The following TOP3A variants were observed in gnomAD, a reference collection of about 807,000 sequenced individuals.
The protein encoded by TOP3A is DNA topoisomerase 3-alpha.
Under a neutral mutation model 111.3 loss-of-function variants are expected in TOP3A, and 64 were observed. The ratio of observed to expected loss-of-function variants is 0.57; its 90% CI spans 0.47 to 0.71. TOP3A has a LOEUF of 0.71. Ranked by LOEUF, TOP3A falls within the 30% of genes least tolerant of loss-of-function variation. TOP3A has a pLI of 0.00. For synonymous variants in TOP3A, 484 were observed against 485.1 expected (o/e 1.00, Z 0.03); for missense variants, 1,104 against 1,285.0 (o/e 0.86, Z 2.15).
Position 18,302,887 on chromosome 17 carries a change from A to G in TOP3A, c.500-164T>C, listed in dbSNP as rs941277553. 7 of 737,872 alleles carry G rather than the reference A, an allele frequency of 9.5e-6. No homozygotes were observed. The African/African-American group carries it at 1.1e-4, about 11-fold the overall frequency. The allele number at this position is 737,872 out of a possible 1,614,324, so 45.7% of individuals were successfully genotyped here. A position where few individuals can be genotyped will look rare whatever the true frequency, so the allele number is the denominator to read the frequency against. On this transcript the variant is annotated intron_variant, in intron 5 of 18. Coordinates refer to ENST00000321105, the MANE Select transcript of TOP3A (RefSeq NM_004618.5). Reference sequence around the variant, plus strand: ...GTTAAATCAATGGTGTACAGTGTCTAAAGAGGAAACATCACCATAACCTTT... The same window carrying G: ...GTTAAATCAATGGTGTACAGTGTCTGAAGAGGAAACATCACCATAACCTTT...
chr17:18,302,261 T>C lies in TOP3A; in HGVS notation c.814+3A>G, dbSNP rs776002178. ...AGGCCATAACACCCACTCCAGGCCC[T>C]ACCTTTAATTCTGTGGAAGATTTCT... is the stretch of plus-strand genomic sequence containing the variant. On this transcript the variant is annotated splice_donor_region_variant and intron_variant, in intron 7 of 18. Coordinates refer to ENST00000321105, the MANE Select transcript of TOP3A (RefSeq NM_004618.5). The C allele has an allele frequency of 1.9e-5, 30 of 1,606,440 alleles. No homozygotes were observed. Among genetic ancestry groups the C allele is most frequent in the Non-Finnish European group, 2.1e-5 (25 of 1,177,210 alleles).
intron 15 of TOP3A, 27 bp downstream of exon 15, chr17:18,285,115 C>T: frequency 6.8e-6 from 11 of 1,609,278 alleles, no homozygotes; most frequent in Non-Finnish European, 9.3e-6. Context: ...ATAGTGAGAC[C>T]CCTCTGTATT....
At chr17:18,283,607 C>A (rs1979905151) in intron 15 of TOP3A, among the ~76,000 whole-genome samples, 1 of 152,162 alleles carries the variant, frequency 6.6e-6, no homozygotes. Context: ...GTTGGACATC[C>A]TCTAATTCAA....
chr17:18,302,033 C>T (rs777659002), intron 7 of TOP3A, 48 bp from the exon 8 acceptor site: 5 of 1,551,482 alleles, frequency 3.2e-6, no homozygotes, highest in Admixed American at 1.8e-5. Context: ...AGAGACATGT[C>T]ATGATATGAC....
intron 4 of TOP3A, 89 bp from the exon 5 acceptor site, chr17:18,305,309 T>A: frequency 9.4e-7 from 1 of 1,065,552 alleles, no homozygotes; most frequent in Non-Finnish European, 1.4e-6. Flanking sequence ...TGACTGAAGG[T>A]TAATGCTGCT....
In TOP3A at chr17:18,274,595, G is replaced by T. The variant is rs1215606298; in HGVS notation, c.*207C>A. The T allele has an allele frequency of 1.3e-6, 1 of 790,768 alleles. No individual in the cohort carries two copies. Among genetic ancestry groups the T allele is most frequent in the Non-Finnish European group, 1.9e-6 (1 of 539,690 alleles). 49.0% of individuals were successfully genotyped at this position (790,768 alleles called of 1,614,324 possible). On this transcript the variant is annotated 3_prime_UTR_variant, in exon 19 of 19. Coordinates refer to ENST00000321105, the MANE Select transcript of TOP3A (RefSeq NM_004618.5). ...GTGGCTATGGTCACTCCTGAGGCCT[G>T]GGAAGAGGGTCACTGTCCAGCAGAG...
rs544471583 is a variant in TOP3A at position 18,277,839 on chromosome 17, C to T, written c.2663G>A (p.Gly888Asp). ...GGATGTGCCACTACCACTGCCATCACCAGGGTTGCCAAACCCACCTAGGTG... is the reference window on the plus strand; with the variant it reads ...GGATGTGCCACTACCACTGCCATCATCAGGGTTGCCAAACCCACCTAGGTG... ...GIHLGGFGNP[G>D]DGSGSGTSCL... Residue 888 changes from glycine (G) to aspartate (D), a missense_variant, in exon 18 of 19, where the codon GGT becomes GAT. By Grantham distance (94) the Gly-to-Asp change is moderately conservative. Transcript: ENST00000321105. 1.2e-5 allele frequency: 19 copies of T among 1,614,148 alleles called. No homozygotes were observed. Among genetic ancestry groups the T allele is most frequent in the South Asian group, 4.4e-5 (4 of 91,086 alleles).
chr17:18,309,263 A>C (rs1016234560), intron 1 of TOP3A, among the ~76,000 whole-genome samples: 2 of 152,270 alleles, frequency 1.3e-5, no homozygotes, highest in African/African-American at 4.8e-5. Flanking sequence ...GGACATTGTC[A>C]GTGGAAATGT....
Position 18,285,314 on chromosome 17 carries a change from GGA to G in TOP3A, c.1712-9_1712-8del, listed in dbSNP as rs1567737752. 6.8e-6 allele frequency: 11 copies of G among 1,614,024 alleles called. No homozygotes were observed. Among genetic ancestry groups the G allele is most frequent in the East Asian group, 2.2e-5 (1 of 44,878 alleles). ...TAGCCCATGGAATCATAACCTGCAG[GGA>G]GAGAGTCGAGCTCAGTGAGGGCCCA... On this transcript the variant is annotated splice_polypyrimidine_tract_variant and splice_region_variant and intron_variant, in intron 14 of 18. Transcript: ENST00000321105.
chr17:18,305,769 C>T (rs936179302), intron 4 of TOP3A, among the ~76,000 whole-genome samples: 1 of 151,978 alleles, frequency 6.6e-6, no homozygotes, highest in Non-Finnish European at 1.5e-5. Context: ...ACCCGGGAGG[C>T]GCAGCTTGCA....
chr17:18,275,514 C>A (rs1979299337), intron 18 of TOP3A, among the ~76,000 whole-genome samples: 1 of 151,104 alleles, frequency 6.6e-6, no homozygotes, highest in African/African-American at 2.4e-5. Context: ...CACCCGCCAC[C>A]ACGCCCGGCT....
chr17:18,297,040 A>C (rs958636384), intron 9 of TOP3A, among the ~76,000 whole-genome samples: 2 of 152,236 alleles, frequency 1.3e-5, no homozygotes, highest in African/African-American at 4.8e-5. Context: ...GATACTAGTA[A>C]TTATGTAAGG....
intron 16 of TOP3A, among the ~76,000 whole-genome samples, chr17:18,281,201 G>A (rs1481386317): frequency 6.6e-6 from 1 of 152,158 alleles, no homozygotes; most frequent in African/African-American, 2.4e-5. Context: ...AAACGTTAGG[G>A]TTTGACTAGC....
chr17:18,279,901 A>G (rs1178108571), intron 17 of TOP3A, among the ~76,000 whole-genome samples: 1 of 152,102 alleles, frequency 6.6e-6, no homozygotes, highest in Non-Finnish European at 1.5e-5. Flanking sequence ...CTATAATCCC[A>G]GCACTTTGGG....
Position 18,280,667 on chromosome 17 carries a change from A to G in TOP3A, c.2022-9T>C. The stretch of plus-strand genomic sequence containing the variant: ...TGCAGCTGAGGTAGAACCTGGGGAC[A>G]AAGTGCCATGTCAGATGATAGGAGT... On this transcript the variant is annotated splice_polypyrimidine_tract_variant and intron_variant, in intron 16 of 18. Coordinates refer to ENST00000321105, the MANE Select transcript of TOP3A (RefSeq NM_004618.5). 6.2e-7 allele frequency: 1 copy of G among 1,613,852 alleles called. No homozygotes were observed. Among genetic ancestry groups the G allele is most frequent in the Non-Finnish European group, 8.5e-7 (1 of 1,179,798 alleles).
chr17:18,275,161 G>T (rs1011571682), intron 18 of TOP3A, among the ~76,000 whole-genome samples, 181 bp from the exon 19 acceptor site: 5 of 151,872 alleles, frequency 3.3e-5, no homozygotes, highest in Admixed American at 2.0e-4. Context: ...TTTAAAAAAT[G>T]CAAAAATTAG....
At chr17:18,298,360 C>T (rs547104246) in intron 9 of TOP3A, among the ~76,000 whole-genome samples, 2 of 148,788 alleles carry the variant, frequency 1.3e-5, no homozygotes, top group South Asian at 2.1e-4. Flanking sequence ...CCCGGCCAGC[C>T]GCCCCATCCG....
rs1222566618 is a variant in TOP3A at position 18,273,509 on chromosome 17, A to G, written c.*1293T>C. ...CACAAGGGACAGCCATGAAGGACAGAGGCTGACGAGACCTCCCAGGGTGAG... is the reference window on the plus strand; with the variant it reads ...CACAAGGGACAGCCATGAAGGACAGGGGCTGACGAGACCTCCCAGGGTGAG... On this transcript the variant is annotated 3_prime_UTR_variant, in exon 19 of 19. Transcript: ENST00000321105. 6.6e-6 allele frequency among the ~76,000 whole-genome samples: 1 copy of G among 152,218 alleles called. No individual in the cohort carries two copies. Among genetic ancestry groups the G allele is most frequent in the East Asian group, 1.9e-4 (1 of 5,200 alleles).
rs200807427 is a variant in TOP3A, at chr17:18,290,597, G to C, written c.1557C>G (p.Thr519=). Reference sequence around the variant, plus strand: ...CCATGAGGGCAATGAGGTCGGCCTCGGTGAGCAGCTTGGGTGGGCTGGTCT... The same window carrying C: ...CCATGAGGGCAATGAGGTCGGCCTCCGTGAGCAGCTTGGGTGGGCTGGTCT... ...DGETSPPKLL[T]EADLIALMEK... is the part of the protein sequence containing the mutation. The change falls in exon 13 of 19, where the codon ACC becomes ACG. Residue 519 remains threonine, a synonymous_variant. Coordinates refer to ENST00000321105, the MANE Select transcript of TOP3A (RefSeq NM_004618.5). 1.2e-6 allele frequency: 2 copies of C among 1,609,690 alleles called. No individual in the cohort carries two copies. Among genetic ancestry groups the C allele is most frequent in the Non-Finnish European group, 1.7e-6 (2 of 1,177,562 alleles).
Sources: gnomAD v4.1 joint callset for allele counts (sites outside exome capture counted in the v4.1 genomes callset) on GRCh38, gnomAD v4.1.1 for gene constraint, MANE v1.5 for transcripts, NCBI Gene and HGNC (gene_info 2026-07-23, HGNC 2026-07-21) for gene names.